Variants in AHCYL2 observed in about 807,000 individuals in gnomAD.
The protein encoded by AHCYL2 is adenosylhomocysteinase like 2, also known as S-adenosylhomocysteine hydrolase-like protein 2.
Under a neutral mutation model 81.4 loss-of-function variants are expected in AHCYL2, and 28 were observed. That is an observed-to-expected ratio of 0.34 (90% CI 0.25 to 0.47). AHCYL2 has a LOEUF of 0.47. AHCYL2 is among the 20% of genes least tolerant of loss of function. AHCYL2 has a pLI of 1.00. For synonymous variants in AHCYL2, 272 were observed against 290.2 expected (o/e 0.94, Z 0.64); for missense variants, 551 against 785.1 (o/e 0.70, Z 3.56).
At chr7:129,399,205 T>A (rs991388785) in intron 5 of AHCYL2, among the ~76,000 whole-genome samples, 10 of 147,166 alleles carry the variant, frequency 6.8e-5, no homozygotes, top group African/African-American at 2.5e-4. Context: ...TCCCAGCACT[T>A]TGGGAGCCTG....
intron 1 of AHCYL2, among the ~76,000 whole-genome samples, chr7:129,274,465 C>T (rs766603448): frequency 1.3e-5 from 2 of 152,136 alleles, no homozygotes; most frequent in African/African-American, 2.4e-5. Context: ...TTGTTGGGGC[C>T]AGAGGGTGGT....
intron 5 of AHCYL2, among the ~76,000 whole-genome samples, chr7:129,399,485 A>C (rs1795920571): frequency 6.6e-6 from 1 of 151,994 alleles, no homozygotes; most frequent in Non-Finnish European, 1.5e-5. Context: ...ATTCCTTGAG[A>C]GCTCATTTCC....
At chr7:129,403,567 A>G in intron 7 of AHCYL2, 82 bp downstream of exon 7, 2 of 1,024,818 alleles carry the variant, frequency 2.0e-6, no homozygotes, top group East Asian at 6.1e-5. Flanking sequence ...AACACATGTT[A>G]AAAATTGGAG....
At chr7:129,372,463 G>T (rs746378169) in intron 1 of AHCYL2, among the ~76,000 whole-genome samples, 77 of 152,036 alleles carry the variant, frequency 5.1e-4, no homozygotes, top group Non-Finnish European at 8.5e-4. Flanking sequence ...CTTAAGTTAC[G>T]GAAAGCAGAA....
intron 1 of AHCYL2, among the ~76,000 whole-genome samples, chr7:129,292,956 G>A (rs1452497130): frequency 6.6e-6 from 1 of 152,046 alleles, no homozygotes; most frequent in African/African-American, 2.4e-5. Flanking sequence ...AAGAATAAAA[G>A]CATATTGCTT....
chr7:129,368,556 G>A lies in AHCYL2; in HGVS notation c.364-11082G>A. 2.5e-6 allele frequency: 4 copies of A among 1,613,952 alleles called. No individual in the cohort carries two copies. Among genetic ancestry groups the A allele is most frequent in the Middle Eastern group, 1.6e-4 (1 of 6,062 alleles). On this transcript the variant is annotated intron_variant, in intron 1 of 16. Coordinates refer to ENST00000325006, the MANE Select transcript of AHCYL2 (RefSeq NM_015328.4). The surrounding 1 kb of genome is among the most constrained non-coding windows in gnomAD (Gnocchi z 4.4). The stretch of plus-strand genomic sequence containing the variant: ...TTTCACATGCCTGAGTGGATGGTGA[G>A]TTCACTGGTCGTTTTGTTTCTCCTT...
chr7:129,325,036 CT>C (rs1159374903), intron 1 of AHCYL2, among the ~76,000 whole-genome samples: 1 of 152,034 alleles, frequency 6.6e-6, no homozygotes, highest in African/African-American at 2.4e-5. Flanking sequence ...TCCACAGTAC[CT>C]TTTTATTTAT....
intron 1 of AHCYL2, among the ~76,000 whole-genome samples, chr7:129,296,210 T>C (rs1279838103): frequency 6.6e-6 from 1 of 152,092 alleles, no homozygotes; most frequent in African/African-American, 2.4e-5. Context: ...GAAAACACAT[T>C]TAGATGGAAG....
chr7:129,394,740 C>T (rs776096150), intron 4 of AHCYL2, among the ~76,000 whole-genome samples: 14 of 152,120 alleles, frequency 9.2e-5, no homozygotes, highest in Non-Finnish European at 1.9e-4. Flanking sequence ...GCCACTGCAC[C>T]CAGCCTGTAT....
rs111611100 is a variant in AHCYL2, at chr7:129,239,921, C to A, written c.363+14482C>A. Among the ~76,000 whole-genome samples the A allele has an allele frequency of 6.4e-3, 959 of 150,748 alleles. 10 individuals are homozygous for A. The highest frequency in any genetic ancestry group is 0.023 in the African/African-American group (910 of 40,202). On this transcript the variant is annotated intron_variant, in intron 1 of 16. Transcript: ENST00000325006. The stretch of plus-strand genomic sequence containing the variant: ...TTCCCACACACAGAGACCCCATACC[C>A]ACAGAGAGAACCCCACGGCTGGCCG...
At chr7:129,303,824 C>T (rs986556982) in intron 1 of AHCYL2, among the ~76,000 whole-genome samples, 1 of 152,140 alleles carries the variant, frequency 6.6e-6, no homozygotes, top group African/African-American at 2.4e-5. Context: ...GTGGCTCACA[C>T]CTGTAATCAT....
At chr7:129,390,394 C>G (rs1355612592) in intron 4 of AHCYL2, among the ~76,000 whole-genome samples, 1 of 152,152 alleles carries the variant, frequency 6.6e-6, no homozygotes, top group Non-Finnish European at 1.5e-5. Context: ...CATGGGAGTG[C>G]TGGAATAAAT....
At chr7:129,286,878 G>T (rs1260816122) in intron 1 of AHCYL2, among the ~76,000 whole-genome samples, 1 of 152,040 alleles carries the variant, frequency 6.6e-6, no homozygotes. Flanking sequence ...TTGATTGATT[G>T]ATTGATTTAA....
rs1276221741 is a variant in AHCYL2, at chr7:129,352,583, C to CT, written c.364-27054dup. Among the ~76,000 whole-genome samples, 12 of 152,308 alleles carry CT rather than the reference C, an allele frequency of 7.9e-5. 1 individual carries two copies. Among genetic ancestry groups the CT allele is most frequent in the African/African-American group, 2.9e-4 (12 of 41,572 alleles). The stretch of plus-strand genomic sequence containing the variant: ...ATCACCTCCAACCCAGTTGTTCAAA[C>CT]TAGAATTGAAGTCATTATTTCTTTT... On this transcript the variant is annotated intron_variant, in intron 1 of 16. Coordinates refer to ENST00000325006, the MANE Select transcript of AHCYL2 (RefSeq NM_015328.4).
intron 1 of AHCYL2, among the ~76,000 whole-genome samples, chr7:129,251,361 CAGTT>C (rs1454182825): frequency 1.6e-5 from 2 of 121,886 alleles, no homozygotes; most frequent in African/African-American, 6.4e-5. Flanking sequence ...GTGATTAAAT[CAGTT>C]TGTTTTGTGA....
At chr7:129,307,243 G>A (rs1584766751) in intron 1 of AHCYL2, among the ~76,000 whole-genome samples, 1 of 152,290 alleles carries the variant, frequency 6.6e-6, no homozygotes, top group Middle Eastern at 3.4e-3. Flanking sequence ...AGGAGCCAGC[G>A]CTTGGAGTTG....
chr7:129,255,606 G>A (rs571552242), intron 1 of AHCYL2, among the ~76,000 whole-genome samples: 3 of 152,342 alleles, frequency 2.0e-5, no homozygotes, highest in African/African-American at 4.8e-5. Context: ...GTGCGCACGC[G>A]CATGTTTAGC....
At chr7:129,314,276 T>G (rs1361460428) in intron 1 of AHCYL2, among the ~76,000 whole-genome samples, 1 of 152,254 alleles carries the variant, frequency 6.6e-6, no homozygotes, top group Admixed American at 6.5e-5. Context: ...TCTTATACTT[T>G]TTCTTGTGTA....
chr7:129,288,082 C>G (rs1335563771), intron 1 of AHCYL2, among the ~76,000 whole-genome samples: 1 of 152,172 alleles, frequency 6.6e-6, no homozygotes, highest in East Asian at 1.9e-4. Flanking sequence ...GTTCACATTT[C>G]CCTCATTGTG....
Sources: gnomAD v4.1 joint callset for allele counts (sites outside exome capture counted in the v4.1 genomes callset) on GRCh38, gnomAD v4.1.1 for gene constraint, Gnocchi (gnomAD v3.1) non-coding constraint, MANE v1.5 for transcripts, NCBI Gene and HGNC (gene_info 2026-07-23, HGNC 2026-07-21) for gene names.